The following TBCEL variants were observed in gnomAD, a reference collection of about 807,000 sequenced individuals.
TBCEL encodes the protein tubulin folding cofactor E like, also known as tubulin-specific chaperone cofactor E-like protein.
TBCEL carries 15 observed loss-of-function variants against 44.2 expected under a neutral mutation model. The ratio of observed to expected loss-of-function variants is 0.34; its 90% CI spans 0.23 to 0.52. The LOEUF (loss-of-function observed/expected upper bound fraction) is 0.52. Ranked by LOEUF, TBCEL falls within the 20% of genes least tolerant of loss-of-function variation. The pLI is 0.95. For synonymous variants in TBCEL, 171 were observed against 185.4 expected, an observed-to-expected ratio of 0.92 and a Z score of 0.63; for missense variants, 319 against 506.3, an observed-to-expected ratio of 0.63 and a Z score of 3.55.
At chr11:121,084,832 G>T (rs1264964075) in intron 8 of TBCEL, among the ~76,000 whole-genome samples, 1 of 151,958 alleles carries the variant, frequency 6.6e-6, no homozygotes. Context: ...AGGATATGGG[G>T]TGGGGAAAAG....
chr11:121,025,806 C>T (rs1945036447), intron 1 of TBCEL, among the ~76,000 whole-genome samples: 2 of 151,712 alleles, frequency 1.3e-5, no homozygotes, highest in African/African-American at 4.8e-5. Context: ...GTTTATACCA[C>T]GTAGCATATT....
intron 8 of TBCEL, among the ~76,000 whole-genome samples, chr11:121,069,867 C>T (rs777653537): frequency 6.6e-5 from 10 of 151,988 alleles, no homozygotes; most frequent in South Asian, 2.1e-4. Flanking sequence ...CAGGGCAGTC[C>T]GTGAAAGACT....
chr11:121,068,072 G>T (rs1238056914), intron 8 of TBCEL, among the ~76,000 whole-genome samples: 1 of 152,136 alleles, frequency 6.6e-6, no homozygotes, highest in Non-Finnish European at 1.5e-5. Flanking sequence ...CCAGTCCCGA[G>T]GCTTTCAGTG....
chr11:121,057,901 A>G lies in TBCEL; in HGVS notation c.713-444A>G, dbSNP rs184855384. Among the ~76,000 whole-genome samples the G allele has an allele frequency of 4.1e-3, 630 of 151,930 alleles. 2 individuals are homozygous for G. Among genetic ancestry groups the G allele is most frequent in the African/African-American group, 0.014 (581 of 41,488 alleles). ...TTCTGTTGACCTTGCCTCATTTTAG[A>G]ATTTTTCAGGTAAAAATTTGAGTAT... On this transcript the variant is annotated intron_variant, in intron 6 of 8. Transcript: ENST00000683345.
rs1946271660 is a variant in TBCEL at position 121,090,263 on chromosome 11, A to G, written c.*3167A>G. 1 of 152,314 alleles carries G rather than the reference A, an allele frequency of 6.6e-6. No individual in the cohort carries two copies. The highest frequency in any genetic ancestry group is 1.5e-5 in the Non-Finnish European group (1 of 68,016). The allele number at this position is 152,314 out of a possible 1,614,324, so 9.4% of individuals were successfully genotyped here. ...CCAGATGTTCCAGCTATGTTACTCA[A>G]CCAGCAGTGGTAGGAGCAGAGAGCA... On this transcript the variant is annotated 3_prime_UTR_variant, in exon 9 of 9. Transcript: ENST00000683345.
At chr11:121,065,285 G>T (rs569868863) in intron 8 of TBCEL, among the ~76,000 whole-genome samples, 4 of 152,254 alleles carry the variant, frequency 2.6e-5, no homozygotes, top group Admixed American at 2.6e-4. Flanking sequence ...CTCAGGCAGG[G>T]GGATTTTACT....
intron 1 of TBCEL, among the ~76,000 whole-genome samples, chr11:121,034,071 G>A (rs971669730): frequency 1.2e-4 from 18 of 152,010 alleles, no homozygotes; most frequent in African/African-American, 4.4e-4. Flanking sequence ...GAACATTGGT[G>A]TACAAATAAG....
At chr11:121,077,925 C>T (rs983639625) in intron 8 of TBCEL, among the ~76,000 whole-genome samples, 1 of 151,876 alleles carries the variant, frequency 6.6e-6, no homozygotes, top group Admixed American at 6.6e-5. Context: ...CAGGGATTTT[C>T]GTCATCTTTC....
intron 7 of TBCEL, among the ~76,000 whole-genome samples, chr11:121,058,706 A>G (rs553114640): frequency 9.9e-5 from 15 of 151,774 alleles, no homozygotes; most frequent in Non-Finnish European, 2.2e-4. Context: ...TATTTCTACA[A>G]ATCTGTTTTT....
At chr11:121,026,260 CA>C (rs1565488526) in intron 1 of TBCEL, among the ~76,000 whole-genome samples, 1 of 152,168 alleles carries the variant, frequency 6.6e-6, no homozygotes, top group Non-Finnish European at 1.5e-5. Flanking sequence ...ATTCCCCTTA[CA>C]AAAATTTTAG....
chr11:121,063,301 T>C (rs1031006834), intron 8 of TBCEL, among the ~76,000 whole-genome samples: 1 of 152,218 alleles, frequency 6.6e-6, no homozygotes, highest in African/African-American at 2.4e-5. Flanking sequence ...GTTACTGTCT[T>C]CTACTAGGAC....
At chr11:121,086,412 C>A (rs1048341603) in intron 8 of TBCEL, among the ~76,000 whole-genome samples, 5 of 152,188 alleles carry the variant, frequency 3.3e-5, no homozygotes, top group African/African-American at 1.2e-4. Flanking sequence ...CCAAGGGGTA[C>A]ATGCCTAGAT....
chr11:121,072,990 T>A (rs543003783), intron 8 of TBCEL, among the ~76,000 whole-genome samples: 2 of 152,222 alleles, frequency 1.3e-5, no homozygotes, highest in Admixed American at 1.3e-4. Context: ...TTCAGGACCC[T>A]GTTCTATTCC....
chr11:121,051,645 A>C (rs1945531179), intron 4 of TBCEL, among the ~76,000 whole-genome samples: 1 of 151,808 alleles, frequency 6.6e-6, no homozygotes, highest in Non-Finnish European at 1.5e-5. Context: ...TTTGATCGCA[A>C]AAGGGATCAA....
chr11:121,068,161 T>G (rs1945855466), intron 8 of TBCEL, among the ~76,000 whole-genome samples: 1 of 152,216 alleles, frequency 6.6e-6, no homozygotes, highest in African/African-American at 2.4e-5. Context: ...GCTTTCCAGC[T>G]GCCTGCTTGA....
In TBCEL at chr11:121,031,569, T is replaced by C. The variant is rs76200517; in HGVS notation, c.-125-4936T>C. 5.1e-3 allele frequency among the ~76,000 whole-genome samples: 783 copies of C among 152,206 alleles called. 5 individuals carry two copies. The highest frequency in any genetic ancestry group is 0.017 in the African/African-American group (720 of 41,550). On this transcript the variant is annotated intron_variant, in intron 1 of 8. Transcript: ENST00000683345. Reference sequence around the variant, plus strand: ...GTTTTTAAGAGTTCTCTGTATTAGTTACACGTGTTGCAAGTATCTTTTTTC... The same window carrying C: ...GTTTTTAAGAGTTCTCTGTATTAGTCACACGTGTTGCAAGTATCTTTTTTC...
intron 8 of TBCEL, among the ~76,000 whole-genome samples, chr11:121,073,765 A>G (rs575285500): frequency 1.5e-3 from 233 of 151,748 alleles, no homozygotes; most frequent in African/African-American, 4.9e-3. Context: ...TTTTTCTAAG[A>G]GTTTCTTTTA....
chr11:121,038,305 C>T (rs904242588), intron 2 of TBCEL, among the ~76,000 whole-genome samples: 3 of 151,998 alleles, frequency 2.0e-5, no homozygotes, highest in Non-Finnish European at 4.4e-5. Flanking sequence ...GAATAAAGCT[C>T]GTTAGTAGAC....
intron 7 of TBCEL, among the ~76,000 whole-genome samples, chr11:121,059,357 C>A (rs945287574): frequency 2.0e-5 from 3 of 151,836 alleles, no homozygotes; most frequent in Admixed American, 6.6e-5. Flanking sequence ...TAAGTTAATT[C>A]TTGAATTATA....
Sources: allele counts gnomAD v4.1 joint callset (sites outside exome capture counted in the v4.1 genomes callset), GRCh38; gene constraint gnomAD v4.1.1; transcripts MANE v1.5; gene names NCBI Gene and HGNC (gene_info 2026-07-23, HGNC 2026-07-21).